Variants in CUL3 observed in about 807,000 individuals in gnomAD.
CUL3 encodes cullin 3.
CUL3 carries 19 observed loss-of-function variants against 89.1 expected under a neutral mutation model. The ratio of observed to expected loss-of-function variants is 0.21; its 90% CI spans 0.15 to 0.31. The LOEUF is 0.31. CUL3 is among the 10% of genes least tolerant of loss of function. CUL3 has a pLI of 1.00. For synonymous variants in CUL3, 351 were observed against 308.4 expected (o/e 1.14, Z -1.45); for missense variants, 469 against 942.3 (o/e 0.50, Z 6.58).
Position 224,474,207 on chromosome 2 carries a change from A to G in CUL3, c.*38T>C. 6.3e-7 allele frequency: 1 copy of G among 1,585,986 alleles called. No homozygotes were observed. Among genetic ancestry groups the G allele is most frequent in the Non-Finnish European group, 8.6e-7 (1 of 1,166,906 alleles). On this transcript the variant is annotated 3_prime_UTR_variant, in exon 16 of 16. Coordinates refer to ENST00000264414, the MANE Select transcript of CUL3 (RefSeq NM_003590.5). ...AAAGAACTTCCCAGTCCATGCGAAG[A>G]GTACAGTCCAAGAATAAATCAAATT... is the stretch of plus-strand genomic sequence containing the variant.
At chr2:224,501,066 CTGTT>C (rs1317971030) in intron 10 of CUL3, among the ~76,000 whole-genome samples, 11 of 152,136 alleles carry the variant, frequency 7.2e-5, no homozygotes, top group Non-Finnish European at 1.6e-4. Context: ...TCAAGTCTTA[CTGTT>C]ATCACTGAGA....
chr2:224,488,097 A>G lies in CUL3; in HGVS notation c.1843-6019T>C, dbSNP rs550910991. Among the ~76,000 whole-genome samples the G allele has an allele frequency of 3.0e-3, 462 of 152,370 alleles. 3 individuals are homozygous for G. Among genetic ancestry groups the G allele is most frequent in the Non-Finnish European group, 5.0e-3 (337 of 68,034 alleles). ...AGAATCTCTGGGACACGGCTAAAGC[A>G]GTGTGTAGAGGGAAATTTATAGCAC... On this transcript the variant is annotated intron_variant, in intron 13 of 15. Coordinates refer to ENST00000264414, the MANE Select transcript of CUL3 (RefSeq NM_003590.5).
At chr2:224,481,781 T>C in intron 14 of CUL3, 111 bp downstream of exon 14, 1 of 674,616 alleles carries the variant, frequency 1.5e-6, no homozygotes, top group South Asian at 3.3e-5. Context: ...AGCCTAAGTA[T>C]CATGCAGCAC....
At chr2:224,560,027 G>A (rs762673940) in intron 1 of CUL3, among the ~76,000 whole-genome samples, 45 of 152,294 alleles carry the variant, frequency 3.0e-4, no homozygotes, top group Non-Finnish European at 4.7e-4. Flanking sequence ...AGGCTGCAGT[G>A]AGTGGAGACT....
chr2:224,511,287 G>T (rs910565158), intron 6 of CUL3, 67 bp downstream of exon 6: 4 of 1,200,522 alleles, frequency 3.3e-6, no homozygotes, highest in Non-Finnish European at 4.7e-6. Context: ...TTTAATTGTA[G>T]GAAAATTTTA....
intron 7 of CUL3, 93 bp from the exon 8 acceptor site, chr2:224,506,225 G>T: frequency 1.3e-6 from 1 of 796,460 alleles, no homozygotes; most frequent in South Asian, 2.8e-5. Context: ...AACTTTGCTG[G>T]TAATAAACAT....
intron 13 of CUL3, among the ~76,000 whole-genome samples, chr2:224,492,894 G>A (rs749480861): frequency 1.3e-5 from 2 of 152,100 alleles, no homozygotes; most frequent in African/African-American, 2.4e-5. Context: ...TGGATTGCTC[G>A]CTCTTGGGAA....
chr2:224,561,683 T>C (rs1256098490), intron 1 of CUL3, among the ~76,000 whole-genome samples: 1 of 152,332 alleles, frequency 6.6e-6, no homozygotes, highest in Non-Finnish European at 1.5e-5. Flanking sequence ...ACACCTATAC[T>C]GCTACCTCTT....
At chr2:224,542,574 C>T (rs927919311) in intron 2 of CUL3, among the ~76,000 whole-genome samples, 28 of 146,418 alleles carry the variant, frequency 1.9e-4, no homozygotes, top group South Asian at 1.3e-3. Context: ...TGTGTGTGCG[C>T]GCGCGCATGC....
At chr2:224,553,994 G>T (rs1357640722) in intron 2 of CUL3, among the ~76,000 whole-genome samples, 1 of 152,056 alleles carries the variant, frequency 6.6e-6, no homozygotes, top group African/African-American at 2.4e-5. Flanking sequence ...AATATCTACT[G>T]GACCATATCT....
intron 3 of CUL3, among the ~76,000 whole-genome samples, chr2:224,520,905 A>G (rs1693235420): frequency 6.6e-6 from 1 of 152,246 alleles, no homozygotes; most frequent in Non-Finnish European, 1.5e-5. Context: ...AGTATGCTCA[A>G]AGGTGTCAAG....
At chr2:224,486,236 AG>A (rs1377742592) in intron 13 of CUL3, among the ~76,000 whole-genome samples, 1 of 152,194 alleles carries the variant, frequency 6.6e-6, no homozygotes, top group Non-Finnish European at 1.5e-5. Flanking sequence ...CTCGCCAGCA[AG>A]GGCACAAAAC....
chr2:224,495,333 G>A (rs945130425), intron 13 of CUL3: 1 of 152,220 alleles, frequency 6.6e-6, no homozygotes, highest in African/African-American at 2.4e-5. Flanking sequence ...GCCTAAATCC[G>A]GTATCAACCC....
Position 224,557,346 on chromosome 2 carries a change from G to A in CUL3, c.264+313C>T, listed in dbSNP as rs558569663. ...AAAAATGAGAAAGTAAAAATGGGCT[G>A]ATTAAATCATTTTAAGGAAAAAAAT... is the stretch of plus-strand genomic sequence containing the variant. On this transcript the variant is annotated intron_variant, in intron 2 of 15. Transcript: ENST00000264414. Among the ~76,000 whole-genome samples, 90 of 145,744 alleles carry A rather than the reference G, an allele frequency of 6.2e-4. 2 individuals carry two copies. The highest frequency in any genetic ancestry group is 2.1e-3 in the African/African-American group (84 of 40,716).
At position 224,555,608 on chromosome 2, in the gene CUL3, T is replaced by A. The variant is rs571526007; in HGVS notation, c.264+2051A>T. On this transcript the variant is annotated intron_variant, in intron 2 of 15. Coordinates refer to ENST00000264414, the MANE Select transcript of CUL3 (RefSeq NM_003590.5). ...TGTTCCCAAACCATCTTTGTAACAC[T>A]ACAATCCACTAATCCCTGTAATTAT... Among the ~76,000 whole-genome samples the A allele has an allele frequency of 2.6e-5, 4 of 152,316 alleles. 1 individual carries two copies. Among genetic ancestry groups the A allele is most frequent in the African/African-American group, 9.6e-5 (4 of 41,568 alleles).
chr2:224,502,687 G>A (rs535770530), intron 10 of CUL3, among the ~76,000 whole-genome samples: 1 of 152,218 alleles, frequency 6.6e-6, no homozygotes, highest in East Asian at 1.9e-4. Flanking sequence ...TAATAGATTT[G>A]TATTATCTTT....
chr2:224,574,795 G>C (rs1695262561), intron 1 of CUL3, among the ~76,000 whole-genome samples: 1 of 152,162 alleles, frequency 6.6e-6, no homozygotes, highest in East Asian at 1.9e-4. Flanking sequence ...CACAATTTGT[G>C]AAAGACTGCT....
chr2:224,584,405 G>A (rs549541244), intron 1 of CUL3, among the ~76,000 whole-genome samples: 1 of 152,136 alleles, frequency 6.6e-6, no homozygotes, highest in Non-Finnish European at 1.5e-5. Flanking sequence ...TATGACCACG[G>A]AGCATTCCGT....
intron 15 of CUL3, 56 bp from the exon 16 acceptor site, chr2:224,474,432 G>C: frequency 7.0e-7 from 1 of 1,438,706 alleles, no homozygotes; most frequent in Non-Finnish European, 9.6e-7. Context: ...TCGTATCTTT[G>C]AACAGAACTG....
Sources: gnomAD v4.1 joint callset for allele counts (sites outside exome capture counted in the v4.1 genomes callset) on GRCh38, gnomAD v4.1.1 for gene constraint, MANE v1.5 for transcripts, NCBI Gene and HGNC (gene_info 2026-07-23, HGNC 2026-07-21) for gene names.